CAST: variants seen among roughly 807,000 people sequenced by gnomAD.
The protein encoded by CAST is calpastatin.
A neutral mutation model predicts 119.6 loss-of-function variants in CAST; 76 were observed. The ratio of observed to expected loss-of-function variants is 0.64; its 90% confidence interval spans 0.53 to 0.77. The LOEUF is 0.77. CAST is among the 30% of genes least tolerant of loss of function. CAST has a pLI of 0.00. For synonymous variants in CAST, 319 were observed against 331.6 expected (o/e 0.96, Z 0.41); for missense variants, 953 against 946.5 (o/e 1.01, Z -0.09).
the CAST span, among the ~76,000 whole-genome samples, chr5:96,362,103 G>T: frequency 6.6e-6 from 1 of 151,920 alleles, no homozygotes; most frequent in Admixed American, 6.6e-5. Flanking sequence ...CTGTCCTTGC[G>T]ATAGTTTGCT....
At chr5:96,643,691 G>T (rs1321815636) in intron 1 of CAST, among the ~76,000 whole-genome samples, 3 of 152,084 alleles carry the variant, frequency 2.0e-5, no homozygotes, top group Non-Finnish European at 4.4e-5. Flanking sequence ...TGGCCAACAT[G>T]GTGAAACCTT....
chr5:96,066,595 G>A, the CAST span, among the ~76,000 whole-genome samples: 49 of 151,660 alleles, frequency 3.2e-4, no homozygotes, highest in Middle Eastern at 3.4e-3. Context: ...TGTAGTTACC[G>A]TCTGACTTTC....
the CAST span, among the ~76,000 whole-genome samples, chr5:96,037,098 T>C: frequency 2.0e-5 from 3 of 152,080 alleles, no homozygotes; most frequent in African/African-American, 7.2e-5. Flanking sequence ...TATTTTGGCT[T>C]CTTTCCCCAC....
the CAST span, among the ~76,000 whole-genome samples, chr5:96,227,492 A>T: frequency 1.3e-5 from 2 of 152,112 alleles, no homozygotes; most frequent in Non-Finnish European, 2.9e-5. Context: ...AAATTGAATG[A>T]CTCAATGTCT....
chr5:96,348,470 A>G, the CAST span, among the ~76,000 whole-genome samples: 4 of 152,074 alleles, frequency 2.6e-5, no homozygotes, highest in Non-Finnish European at 4.4e-5. Flanking sequence ...AAAGATTCTA[A>G]GTCCAGATGA....
chr5:96,300,143 C>T, the CAST span, among the ~76,000 whole-genome samples: 1 of 151,894 alleles, frequency 6.6e-6, no homozygotes, highest in Non-Finnish European at 1.5e-5. Flanking sequence ...CTTTTGTTGC[C>T]TATATTTTTG....
chr5:96,597,946 G>A (rs913880599), intron 1 of CAST, among the ~76,000 whole-genome samples: 10 of 148,572 alleles, frequency 6.7e-5, no homozygotes, highest in African/African-American at 2.6e-4. Flanking sequence ...GAAGGGGGGA[G>A]GGGGAGAGGC....
At chr5:95,968,635 A>G in the CAST span, among the ~76,000 whole-genome samples, 1 of 152,142 alleles carries the variant, frequency 6.6e-6, no homozygotes, top group East Asian at 1.9e-4. Context: ...GAAATATATC[A>G]ACACATACGG....
At chr5:96,647,621 C>T (rs745710909) in intron 1 of CAST, among the ~76,000 whole-genome samples, 2 of 151,996 alleles carry the variant, frequency 1.3e-5, no homozygotes, top group African/African-American at 2.4e-5. Context: ...TAAGGTGGGA[C>T]GTAATCCAAT....
chr5:96,423,599 T>C, the CAST span: 1 of 778,274 alleles, frequency 1.3e-6, no homozygotes, highest in East Asian at 2.7e-5. Context: ...TTCAGTGAAA[T>C]GAGAAAACAA....
the CAST span, among the ~76,000 whole-genome samples, chr5:96,439,690 G>T: frequency 6.6e-6 from 1 of 152,090 alleles, no homozygotes; most frequent in African/African-American, 2.4e-5. Context: ...GTAAGAAATT[G>T]GTCACCTCGG....
At chr5:96,689,747 T>C (rs1295677398) in intron 2 of CAST, among the ~76,000 whole-genome samples, 1 of 152,228 alleles carries the variant, frequency 6.6e-6, no homozygotes, top group East Asian at 1.9e-4. Flanking sequence ...TAGTATCCGA[T>C]ACTCATCATA....
At chr5:96,469,990 A>C in the CAST span, among the ~76,000 whole-genome samples, 1 of 150,912 alleles carries the variant, frequency 6.6e-6, no homozygotes, top group Non-Finnish European at 1.5e-5. Context: ...AAAATGCAAA[A>C]TGTAAGCATT....
the CAST span, among the ~76,000 whole-genome samples, chr5:96,125,308 G>A: frequency 7.9e-5 from 12 of 152,076 alleles, no homozygotes; most frequent in African/African-American, 1.4e-4. Flanking sequence ...TAAGAACTCC[G>A]TAAATGTCAT....
At chr5:96,320,587 C>T in the CAST span, among the ~76,000 whole-genome samples, 1 of 152,218 alleles carries the variant, frequency 6.6e-6, no homozygotes, top group African/African-American at 2.4e-5. Flanking sequence ...TGGATTAAAT[C>T]TGACTTAAAG....
the CAST span, among the ~76,000 whole-genome samples, chr5:96,517,737 C>T: frequency 6.6e-6 from 1 of 152,066 alleles, no homozygotes; most frequent in African/African-American, 2.4e-5. Context: ...CCATCAGCTA[C>T]TAAAATACTA....
chr5:95,982,539 T>C, the CAST span, among the ~76,000 whole-genome samples: 1 of 152,228 alleles, frequency 6.6e-6, no homozygotes, highest in African/African-American at 2.4e-5. Flanking sequence ...TCTCCAGGCC[T>C]GTTTTCTTAT....
chr5:96,648,149 T>A (rs1748042433), intron 1 of CAST, among the ~76,000 whole-genome samples: 1 of 152,230 alleles, frequency 6.6e-6, no homozygotes, highest in Admixed American at 6.5e-5. Flanking sequence ...TATTTTCCAC[T>A]AGGCTTTGGA....
chr5:96,186,047 C>A, the CAST span, among the ~76,000 whole-genome samples: 8 of 152,134 alleles, frequency 5.3e-5, no homozygotes, highest in South Asian at 1.7e-3. Context: ...TTATAGTTAT[C>A]CTTTAAAAGG....
Sources: gnomAD v4.1 joint callset for allele counts (sites outside exome capture counted in the v4.1 genomes callset) on GRCh38, gnomAD v4.1.1 for gene constraint, MANE v1.5 for transcripts, NCBI Gene and HGNC (gene_info 2026-07-23, HGNC 2026-07-21) for gene names.